The following ZFHX3 variants were observed in gnomAD, a reference collection of about 807,000 sequenced individuals.
The protein encoded by ZFHX3 is zinc finger homeobox protein 3.
A neutral mutation model predicts 279.1 loss-of-function variants in ZFHX3; 42 were observed. The ratio of observed to expected loss-of-function variants is 0.15; its 90% CI spans 0.12 to 0.19. The LOEUF is 0.19. Among genes scored for constraint, ZFHX3 ranks in the 10% least tolerant of loss-of-function variants. ZFHX3 has a pLI of 1.00. For synonymous variants in ZFHX3, 2,293 were observed against 1,957.8 expected (o/e 1.17, Z -4.52); for missense variants, 4,981 against 4,754.0 (o/e 1.05, Z -1.40).
intron 1 of ZFHX3, among the ~76,000 whole-genome samples, chr16:73,864,913 G>A (rs1242748447): frequency 6.6e-6 from 1 of 152,176 alleles, no homozygotes; most frequent in Admixed American, 6.5e-5. Context: ...TTCAATATGG[G>A]CTGGCCTCAC....
chr16:72,827,830 G>A (rs2036970624), intron 5 of ZFHX3, among the ~76,000 whole-genome samples: 1 of 152,170 alleles, frequency 6.6e-6, no homozygotes, highest in South Asian at 2.1e-4. Flanking sequence ...GTCTGAAGGG[G>A]AATGCTAAGC....
intron 2 of ZFHX3, among the ~76,000 whole-genome samples, chr16:73,602,999 A>AT (rs2052137274): frequency 2.0e-5 from 3 of 150,432 alleles, no homozygotes; most frequent in South Asian, 4.2e-4. Context: ...TAAGAAAAAG[A>AT]TACAGGCCGG....
At chr16:73,133,380 G>T (rs1210344434) in intron 6 of ZFHX3, among the ~76,000 whole-genome samples, 1 of 152,126 alleles carries the variant, frequency 6.6e-6, no homozygotes, top group Admixed American at 6.6e-5. Context: ...AAATTAGCCA[G>T]GTGTGGTGGC....
chr16:72,806,311 A>G (rs994735049), intron 7 of ZFHX3, among the ~76,000 whole-genome samples: 6 of 152,232 alleles, frequency 3.9e-5, no homozygotes, highest in African/African-American at 1.4e-4. Flanking sequence ...AGGATGAGAA[A>G]GATTGAAAAG....
At chr16:73,689,329 A>G (rs1366132993) in intron 1 of ZFHX3, among the ~76,000 whole-genome samples, 2 of 152,218 alleles carry the variant, frequency 1.3e-5, no homozygotes, top group Non-Finnish European at 2.9e-5. Context: ...CATCCAAGAC[A>G]TCCCAGAGAA....
intron 4 of ZFHX3, among the ~76,000 whole-genome samples, chr16:72,849,658 T>C (rs2037562376): frequency 6.6e-6 from 1 of 152,230 alleles, no homozygotes; most frequent in Admixed American, 6.5e-5. Context: ...ACTTGTTAGC[T>C]GGCCTCCTAA....
At chr16:72,955,616 T>C (rs1021929598) in intron 2 of ZFHX3, among the ~76,000 whole-genome samples, 2 of 151,810 alleles carry the variant, frequency 1.3e-5, no homozygotes, top group South Asian at 4.2e-4. Context: ...CCATCTCTAC[T>C]AAAAACACAA....
chr16:73,480,067 C>T (rs545874289), intron 2 of ZFHX3, among the ~76,000 whole-genome samples: 1 of 152,308 alleles, frequency 6.6e-6, no homozygotes, highest in South Asian at 2.1e-4. Flanking sequence ...TTCATTCTCT[C>T]AATCTCTTTC....
At chr16:73,070,932 G>A (rs1376184933) in intron 8 of ZFHX3, among the ~76,000 whole-genome samples, 1,474 of 29,764 alleles carry the variant, frequency 0.05, 33 homozygotes, top group African/African-American at 0.11. Context: ...GCGCGCGCGC[G>A]CGCGCGCACA....
chr16:73,359,181 GTTTT>G (rs55639015), intron 3 of ZFHX3, among the ~76,000 whole-genome samples: 1,595 of 145,776 alleles, frequency 0.011, 11 homozygotes, highest in Non-Finnish European at 0.015. Flanking sequence ...TTTAGAAGAG[GTTTT>G]TTTTTTTTTT....
intron 5 of ZFHX3, chr16:72,829,496 C>T: frequency 1.0e-5 from 4 of 390,740 alleles, no homozygotes; most frequent in Non-Finnish European, 1.8e-5. Flanking sequence ...CCCTTGCACA[C>T]AGCTTGGCAC....
At chr16:73,671,328 CG>C (rs1191044619) in intron 2 of ZFHX3, among the ~76,000 whole-genome samples, 3 of 152,110 alleles carry the variant, frequency 2.0e-5, no homozygotes, top group Admixed American at 6.6e-5. Context: ...GGGAGGAAAG[CG>C]GAGCAAAGCC....
intron 1 of ZFHX3, among the ~76,000 whole-genome samples, chr16:73,857,231 G>A (rs1049574898): frequency 6.6e-6 from 1 of 152,198 alleles, no homozygotes; most frequent in African/African-American, 2.4e-5. Flanking sequence ...TTAGGGCTTA[G>A]AAATAAGATT....
In ZFHX3 at chr16:72,788,415, C is replaced by T. The variant is rs2143302191; in HGVS notation, c.9861G>A (p.Gln3287=). Residue 3287 remains glutamine, a synonymous_variant, in exon 10 of 10, where the codon CAG becomes CAA. Transcript: ENST00000268489. ...TCAACGCGGCCTGCAGGGCCTGCAG[C>T]TGTGCAGGGTCTACCGCATACTCCA... ...PTMEYAVDPA[Q]LQALQAALTS... 6.2e-7 allele frequency: 1 copy of T among 1,614,230 alleles called. No individual in the cohort carries two copies. The highest frequency in any genetic ancestry group is 8.5e-7 in the Non-Finnish European group (1 of 1,180,046).
intron 5 of ZFHX3, among the ~76,000 whole-genome samples, chr16:72,813,052 T>C (rs2036506874): frequency 6.6e-6 from 1 of 152,204 alleles, no homozygotes; most frequent in Non-Finnish European, 1.5e-5. Flanking sequence ...TAAGCAAGGC[T>C]CCTCCAGCTT....
intron 3 of ZFHX3, among the ~76,000 whole-genome samples, chr16:73,415,082 C>A (rs557091798): frequency 1.3e-5 from 2 of 152,306 alleles, no homozygotes; most frequent in South Asian, 4.1e-4. Flanking sequence ...TCCTGGGAGC[C>A]AAAGTTCCCT....
At chr16:73,484,462 T>G (rs961611153) in intron 2 of ZFHX3, among the ~76,000 whole-genome samples, 1 of 152,168 alleles carries the variant, frequency 6.6e-6, no homozygotes, top group Non-Finnish European at 1.5e-5. Context: ...TCCATGTCCC[T>G]GGGAGCTGGG....
intron 1 of ZFHX3, among the ~76,000 whole-genome samples, chr16:73,725,372 C>T (rs376534582): frequency 4.6e-5 from 7 of 152,218 alleles, no homozygotes; most frequent in South Asian, 2.1e-4. Flanking sequence ...GCCTGGAGGG[C>T]GACAGTTCCT....
intron 3 of ZFHX3, among the ~76,000 whole-genome samples, chr16:72,948,080 T>G (rs1386456464): frequency 6.6e-6 from 1 of 152,166 alleles, no homozygotes; most frequent in Non-Finnish European, 1.5e-5. Flanking sequence ...GGGCGAGCAC[T>G]GGAATGACAA....
Sources: allele counts gnomAD v4.1 joint callset (sites outside exome capture counted in the v4.1 genomes callset), GRCh38; gene constraint gnomAD v4.1.1; transcripts MANE v1.5; gene names NCBI Gene and HGNC (gene_info 2026-07-23, HGNC 2026-07-21).